MTAP: variants seen among roughly 807,000 people sequenced by gnomAD.
MTAP encodes S-methyl-5'-thioadenosine phosphorylase.
A neutral mutation model predicts 33.6 loss-of-function variants in MTAP; 33 were observed. That is an observed-to-expected ratio of 0.98 (90% confidence interval 0.74 to 1.31). MTAP has a LOEUF of 1.31. MTAP is among the 40% of genes most tolerant of loss of function. The pLI is 0.00. For missense variants in MTAP, 367 were observed against 360.0 expected, an observed-to-expected ratio of 1.02 and a Z score of -0.16; for synonymous variants, 148 against 125.7, an observed-to-expected ratio of 1.18 and a Z score of -1.19.
At chr9:21,831,670 A>C (rs879017907) in intron 4 of MTAP, among the ~76,000 whole-genome samples, 2 of 152,210 alleles carry the variant, frequency 1.3e-5, no homozygotes, top group Non-Finnish European at 2.9e-5. Flanking sequence ...GACTTGCTCA[A>C]CTGCTATCAC....
intron 1 of MTAP, among the ~76,000 whole-genome samples, chr9:21,885,401 T>TA (rs1408853001): frequency 6.6e-6 from 1 of 152,180 alleles, no homozygotes; most frequent in East Asian, 1.9e-4. Flanking sequence ...TCTGATTCAG[T>TA]AGGTCTGGGG....
chr9:21,867,842 T>C (rs577691687), downstream of MTAP, among the ~76,000 whole-genome samples: 4 of 152,208 alleles, frequency 2.6e-5, no homozygotes, highest in Non-Finnish European at 5.9e-5. Flanking sequence ...GGAACTGTTA[T>C]AGGCAAAAGC....
intron 5 of MTAP, among the ~76,000 whole-genome samples, chr9:21,840,599 G>A (rs986618184): frequency 2.0e-5 from 3 of 152,198 alleles, no homozygotes; most frequent in Admixed American, 6.5e-5. Context: ...TGTACTCCCA[G>A]TCTCCAGCTT....
At chr9:21,854,582 G>A (rs773963661) in intron 5 of MTAP, 49 bp from the exon 6 acceptor site, 13 of 1,499,432 alleles carry the variant, frequency 8.7e-6, no homozygotes, top group Non-Finnish European at 1.2e-5. Flanking sequence ...GCAGCCTTAA[G>A]TTGTGCATGT....
downstream of MTAP, chr9:21,934,688 AG>A (rs1412843531): frequency 6.6e-6 from 1 of 151,938 alleles, no homozygotes; most frequent in Non-Finnish European, 1.5e-5. This position sits in a 1 kb window ranked among gnomAD's most constrained non-coding sequence, Gnocchi z 5.0. Context: ...AAAAAAAACA[AG>A]TATTTAACTT....
chr9:21,848,861 G>T (rs1005923017), intron 5 of MTAP, among the ~76,000 whole-genome samples: 3 of 152,032 alleles, frequency 2.0e-5, no homozygotes, highest in African/African-American at 7.2e-5. Flanking sequence ...AGGCAGCAGG[G>T]GCCATGGCGG....
chr9:21,876,487 A>G (rs1444707000), intron 1 of MTAP, among the ~76,000 whole-genome samples: 1 of 151,698 alleles, frequency 6.6e-6, no homozygotes, highest in East Asian at 1.9e-4. Flanking sequence ...TCTTCCAGGG[A>G]TTTTATAGTT....
At chr9:21,803,526 G>A (rs1443460269) in intron 1 of MTAP, 3 of 152,238 alleles carry the variant, frequency 2.0e-5, no homozygotes, top group Non-Finnish European at 4.4e-5. Context: ...GGCCCTGAGA[G>A]GCCTTGATAC....
intron 1 of MTAP, among the ~76,000 whole-genome samples, chr9:21,916,207 T>G (rs1244870503): frequency 6.6e-6 from 1 of 152,146 alleles, no homozygotes; most frequent in African/African-American, 2.4e-5. Context: ...ACCTGGAAAC[T>G]GAATGTGGCC....
At chr9:21,825,328 C>T (rs1300061155) in intron 4 of MTAP, among the ~76,000 whole-genome samples, 1 of 152,184 alleles carries the variant, frequency 6.6e-6, no homozygotes, top group Non-Finnish European at 1.5e-5. Context: ...AATAATGCTG[C>T]AGGGACCATG....
intron 4 of MTAP, among the ~76,000 whole-genome samples, chr9:21,829,772 G>A (rs566229086): frequency 1.1e-4 from 16 of 152,280 alleles, no homozygotes; most frequent in Admixed American, 6.5e-4. Context: ...CAGGGCGGGG[G>A]GACCAACCTC....
At chr9:21,894,917 C>T (rs1209445320) in intron 1 of MTAP, among the ~76,000 whole-genome samples, 1 of 151,936 alleles carries the variant, frequency 6.6e-6, no homozygotes, top group Non-Finnish European at 1.5e-5. Context: ...TGAATGCAGT[C>T]CCATTCACAA....
intron 1 of MTAP, among the ~76,000 whole-genome samples, chr9:21,888,742 T>C (rs1211089503): frequency 2.6e-5 from 4 of 152,094 alleles, no homozygotes; most frequent in African/African-American, 9.7e-5. Flanking sequence ...GAAGACTTAT[T>C]TTCCTGGCTT....
chr9:21,903,220 G>C (rs1359423076), intron 1 of MTAP, among the ~76,000 whole-genome samples: 4 of 152,216 alleles, frequency 2.6e-5, no homozygotes, highest in Admixed American at 2.6e-4. Flanking sequence ...TTAGACTCCA[G>C]CTGCCAGTGA....
At chr9:21,919,290 C>T (rs1818745545) in intron 1 of MTAP, among the ~76,000 whole-genome samples, 1 of 152,142 alleles carries the variant, frequency 6.6e-6, no homozygotes, top group Admixed American at 6.5e-5. Context: ...TAACTGATAG[C>T]CAATGTTGTT....
rs1004220882 is a variant in MTAP at position 21,922,921 on chromosome 9, C to G, written c.148-8087C>G. Reference sequence around the variant, plus strand: ...AAAGCCTAACACTGTGCAATGTCTGCAATTTCCTCTGCTTTTTCAAATACA... The same window carrying G: ...AAAGCCTAACACTGTGCAATGTCTGGAATTTCCTCTGCTTTTTCAAATACA... On this transcript the variant is annotated intron_variant, in intron 1 of 1. Coordinates refer to the MTAP transcript ENST00000577563. This position sits in a 1 kb window ranked among gnomAD's most constrained non-coding sequence, Gnocchi z 4.8. Among the ~76,000 whole-genome samples the G allele has an allele frequency of 3.3e-5, 5 of 152,138 alleles. No individual in the cohort carries two copies. The highest frequency in any genetic ancestry group is 7.3e-5 in the Non-Finnish European group (5 of 68,034).
rs7849934 is a variant in MTAP at position 21,888,683 on chromosome 9, C to G, written c.147+33813C>G. Among the ~76,000 whole-genome samples the G allele has an allele frequency of 7.5e-3, 1,143 of 152,120 alleles. 16 individuals are homozygous for G. The highest frequency in any genetic ancestry group is 0.025 in the African/African-American group (1,046 of 41,486). ...ATTTGCATGGAATATCTTTTTCCAC[C>G]GCTTTACCTTAAGTTTATGTCAGTC... On this transcript the variant is annotated intron_variant, in intron 1 of 1. Coordinates refer to the MTAP transcript ENST00000577563.
intron 1 of MTAP, chr9:21,893,298 C>G (rs1040832787): frequency 1.3e-5 from 2 of 152,030 alleles, no homozygotes; most frequent in Non-Finnish European, 2.9e-5. Flanking sequence ...AACAAAAACA[C>G]AAATAATCTC....
At chr9:21,857,504 C>T (rs1044883291) in intron 6 of MTAP, among the ~76,000 whole-genome samples, 1 of 152,120 alleles carries the variant, frequency 6.6e-6, no homozygotes, top group Admixed American at 6.5e-5. Context: ...TGGATTTCTT[C>T]GAAGCATAGG....
Sources: allele counts gnomAD v4.1 joint callset (sites outside exome capture counted in the v4.1 genomes callset), GRCh38; gene constraint gnomAD v4.1.1; non-coding constraint Gnocchi (gnomAD v3.1); transcripts MANE v1.5; gene names NCBI Gene and HGNC (gene_info 2026-07-23, HGNC 2026-07-21).